Variants in RDH13 observed in about 807,000 individuals in gnomAD.
RDH13 encodes the protein retinol dehydrogenase 13.
Under a neutral mutation model 28.3 loss-of-function variants are expected in RDH13, and 35 were observed. That is an observed-to-expected ratio of 1.24 (90% confidence interval 0.95 to 1.64). The LOEUF is 1.64. Ranked by LOEUF, RDH13 falls within the 40% of genes most tolerant of loss-of-function variation. The probability of loss-of-function intolerance (pLI) is 0.00; values close to 1 mark genes in which losing one functional copy is unlikely to be tolerated. For missense variants in RDH13, 514 were observed against 446.3 expected, an observed-to-expected ratio of 1.15 and a Z score of -1.37; for synonymous variants, 229 against 198.5, an observed-to-expected ratio of 1.15 and a Z score of -1.29.
At chr19:55,061,077 T>G (rs1404249348) in intron 1 of RDH13, among the ~76,000 whole-genome samples, 1 of 152,126 alleles carries the variant, frequency 6.6e-6, no homozygotes, top group Non-Finnish European at 1.5e-5. Context: ...TGGCCCCGCC[T>G]CCATCTTCAA....
At chr19:55,061,839 C>T (rs1471158741) in intron 1 of RDH13, among the ~76,000 whole-genome samples, 1 of 144,534 alleles carries the variant, frequency 6.9e-6, no homozygotes, top group African/African-American at 2.5e-5. Flanking sequence ...TTCACTTGGC[C>T]GGGCACGGTG....
intron 2 of RDH13, among the ~76,000 whole-genome samples, chr19:55,058,543 A>G (rs2075708831): frequency 6.6e-6 from 1 of 152,074 alleles, no homozygotes; most frequent in Non-Finnish European, 1.5e-5. Context: ...GGCAAGCACC[A>G]TTCCAACTTC....
chr19:55,059,440 G>A (rs1478162745), intron 1 of RDH13, among the ~76,000 whole-genome samples, 165 bp from the exon 2 acceptor site: 1 of 152,242 alleles, frequency 6.6e-6, no homozygotes, highest in African/African-American at 2.4e-5. Flanking sequence ...TTCTCCATAA[G>A]TGGCTCCACC....
intron 4 of RDH13, 55 bp downstream of exon 4, chr19:55,048,604 G>A (rs2075321436): frequency 6.2e-7 from 1 of 1,609,128 alleles, no homozygotes; most frequent in Non-Finnish European, 8.5e-7. Flanking sequence ...CACTTTGGGA[G>A]GACGACGGGG....
chr19:55,040,063 C>T (rs1247713204), downstream of RDH13, among the ~76,000 whole-genome samples: 3 of 152,164 alleles, frequency 2.0e-5, no homozygotes, highest in East Asian at 5.8e-4. Flanking sequence ...ATAGGGAGCG[C>T]TTAGGTTGAA....
Position 55,063,043 on chromosome 19 carries a change from G to T in RDH13, c.-11C>A. The T allele has an allele frequency of 6.7e-6, 8 of 1,197,414 alleles. No individual in the cohort carries two copies. The highest frequency in any genetic ancestry group is 8.5e-6 in the Non-Finnish European group (8 of 941,592). 74.2% of individuals were successfully genotyped at this position (1,197,414 alleles called of 1,614,324 possible). A position where few individuals can be genotyped will look rare whatever the true frequency, so the allele number is the denominator to read the frequency against. On this transcript the variant is annotated 5_prime_UTR_variant, in exon 1 of 7. Transcript: ENST00000415061. The stretch of plus-strand genomic sequence containing the variant: ...CAGGTAGCGGCTCATGCCGGGCCGG[G>T]GACAGGCGTCAGGCGTCAGGGGTCG...
chr19:55,052,407 G>T (rs1184868263), intron 3 of RDH13, among the ~76,000 whole-genome samples: 2 of 151,656 alleles, frequency 1.3e-5, no homozygotes, highest in South Asian at 4.2e-4. Flanking sequence ...AGCCGGGCGT[G>T]GTGGCGCATG....
At chr19:55,059,337 C>G in intron 1 of RDH13, 62 bp from the exon 2 acceptor site, 1 of 1,109,210 alleles carries the variant, frequency 9.0e-7, no homozygotes, top group Non-Finnish European at 1.3e-6. Context: ...GTGCCCCTGA[C>G]TGAATGATCT....
upstream of RDH13, among the ~76,000 whole-genome samples, chr19:55,065,457 A>G (rs571373725): frequency 1.2e-4 from 18 of 149,480 alleles, no homozygotes; most frequent in African/African-American, 4.2e-4. Flanking sequence ...CTCAACCTTG[A>G]AAAAAAAACA....
At chr19:55,049,704 G>T (rs1427017559) in intron 3 of RDH13, among the ~76,000 whole-genome samples, 1 of 150,958 alleles carries the variant, frequency 6.6e-6, no homozygotes, top group Non-Finnish European at 1.5e-5. Context: ...CGGGAAAATC[G>T]CTTGAAACCA....
chr19:55,049,516 A>G (rs1357799454), intron 3 of RDH13, among the ~76,000 whole-genome samples: 1 of 152,088 alleles, frequency 6.6e-6, no homozygotes, highest in Non-Finnish European at 1.5e-5. Context: ...CTGGCCGGGC[A>G]CAGTGGCTCA....
upstream of RDH13, chr19:55,064,291 C>A (rs544711443): frequency 1.3e-5 from 2 of 152,046 alleles, no homozygotes; most frequent in East Asian, 3.9e-4. Flanking sequence ...TGTGGTGGCA[C>A]TCACCTGTAG....
chr19:55,047,463 C>G lies in RDH13; in HGVS notation c.684G>C (p.Leu228=), dbSNP rs897919468. 1 of 1,609,086 alleles carries G rather than the reference C, an allele frequency of 6.2e-7. No individual in the cohort carries two copies. The highest frequency in any genetic ancestry group is 1.3e-5 in the African/African-American group (1 of 75,014). The change falls in exon 6 of 7, where the codon CTG becomes CTC. Residue 228 remains leucine, a synonymous_variant. Coordinates refer to ENST00000415061, the MANE Select transcript of RDH13 (RefSeq NM_001145971.2). ...LQGSGVTVNA[L]HPGVARTELG... ...GCTCTGTCCTGGCCACGCCGGGGTGCAGGGCGTTGACAGTCACACCAGAGC... is the reference window on the plus strand; with the variant it reads ...GCTCTGTCCTGGCCACGCCGGGGTGGAGGGCGTTGACAGTCACACCAGAGC...
rs1407765096 is a variant in RDH13, at chr19:55,048,458, G to A, written c.529C>T (p.His177Tyr). The A allele has an allele frequency of 3.7e-6, 6 of 1,614,210 alleles. No individual in the cohort carries two copies. The highest frequency in any genetic ancestry group is 5.1e-6 in the Non-Finnish European group (6 of 1,180,030). Residue 177 changes from histidine to tyrosine, a missense_variant, in exon 5 of 7, where the codon CAT (histidine) becomes TAT (tyrosine). Physicochemically the swap from His to Tyr is moderately conservative, Grantham distance 83. Transcript: ENST00000415061. ...TCAAAGTCTATGTGCCCAGCAACAT[G>A]GGCCAGGGACGAGAGGTTGATGATC... is the stretch of plus-strand genomic sequence containing the variant. Reference protein sequence around the residue: ...SRIINLSSLAHVAGHIDFDDL... With the variant: ...SRIINLSSLAYVAGHIDFDDL...
intron 2 of RDH13, among the ~76,000 whole-genome samples, chr19:55,057,504 C>G (rs1022841024): frequency 2.6e-5 from 4 of 151,036 alleles, no homozygotes; most frequent in Admixed American, 2.0e-4. Context: ...GCAATCTCGG[C>G]TCACTGCAAC....
intron 1 of RDH13, among the ~76,000 whole-genome samples, chr19:55,061,381 G>A (rs2075802114): frequency 6.6e-6 from 1 of 151,786 alleles, no homozygotes; most frequent in Non-Finnish European, 1.5e-5. Context: ...CGCCTGCCTT[G>A]GCCTCCCAAA....
intron 2 of RDH13, among the ~76,000 whole-genome samples, chr19:55,058,694 GTTTTGT>G (rs1291689918): frequency 6.6e-6 from 1 of 151,676 alleles, no homozygotes; most frequent in Non-Finnish European, 1.5e-5. Context: ...GCTTTGTTTT[GTTTTGT>G]TTTTGAGTCT....
chr19:55,047,732 C>G (rs572454484), intron 5 of RDH13, among the ~76,000 whole-genome samples: 1 of 152,162 alleles, frequency 6.6e-6, no homozygotes, highest in Non-Finnish European at 1.5e-5. Context: ...GAGCTTACCC[C>G]GGGAGCCTGC....
intron 1 of RDH13, 108 bp from the exon 2 acceptor site, chr19:55,059,383 A>G: frequency 3.0e-6 from 2 of 674,150 alleles, no homozygotes; most frequent in Non-Finnish European, 2.6e-6. Flanking sequence ...ACATACCCCA[A>G]CTGAAACACA....
Sources: gnomAD v4.1 joint callset for allele counts (sites outside exome capture counted in the v4.1 genomes callset) on GRCh38, gnomAD v4.1.1 for gene constraint, MANE v1.5 for transcripts, NCBI Gene and HGNC (gene_info 2026-07-23, HGNC 2026-07-21) for gene names.